CELF4: variants seen among roughly 807,000 people sequenced by gnomAD.
The protein encoded by CELF4 is CUGBP Elav-like family member 4.
Under a neutral mutation model 59.9 loss-of-function variants are expected in CELF4, and 18 were observed. The observed-to-expected ratio is 0.30, with a 90% CI of 0.21 to 0.45. The LOEUF is 0.45. CELF4 is among the 20% of genes least tolerant of loss of function. CELF4 has a pLI of 1.00. For missense variants in CELF4, 456 were observed against 689.0 expected, an observed-to-expected ratio of 0.66 and a Z score of 3.79; for synonymous variants, 261 against 267.1, an observed-to-expected ratio of 0.98 and a Z score of 0.22.
intron 2 of CELF4, among the ~76,000 whole-genome samples, chr18:37,467,024 T>C (rs2099810827): frequency 6.6e-6 from 1 of 151,880 alleles, no homozygotes; most frequent in African/African-American, 2.4e-5. Flanking sequence ...CGGTGGGGAT[T>C]GGGGAGGAGC....
chr18:37,285,762 C>T (rs897665726), intron 3 of CELF4, among the ~76,000 whole-genome samples: 1 of 152,206 alleles, frequency 6.6e-6, no homozygotes, highest in African/African-American at 2.4e-5. Flanking sequence ...ACCACAGTGG[C>T]TCTATGTAGA....
chr18:37,340,496 G>A (rs2097964752), intron 2 of CELF4, among the ~76,000 whole-genome samples: 1 of 152,204 alleles, frequency 6.6e-6, no homozygotes, highest in Non-Finnish European at 1.5e-5. Flanking sequence ...GCTTCAGTGG[G>A]GACATGGTCT....
chr18:37,343,811 C>A (rs942218925), intron 2 of CELF4, among the ~76,000 whole-genome samples: 4 of 152,100 alleles, frequency 2.6e-5, no homozygotes, highest in African/African-American at 9.7e-5. Flanking sequence ...TGTGCTGCAG[C>A]AGACCCCATC....
intron 1 of CELF4, among the ~76,000 whole-genome samples, chr18:37,558,381 G>GT (rs140019882): frequency 1.6e-4 from 23 of 139,888 alleles, no homozygotes; most frequent in African/African-American, 5.8e-4. Flanking sequence ...CCCTGTAACA[G>GT]TTTTTTTTTT....
intron 1 of CELF4, among the ~76,000 whole-genome samples, chr18:37,497,757 C>T (rs1254019252): frequency 1.3e-5 from 2 of 152,036 alleles, no homozygotes; most frequent in South Asian, 4.1e-4. Context: ...TTGTGCAGGG[C>T]CTATTGGTGG....
At chr18:37,486,993 A>AT in intron 1 of CELF4, among the ~76,000 whole-genome samples, 1 of 152,330 alleles carries the variant, frequency 6.6e-6, no homozygotes, top group Middle Eastern at 3.4e-3. Context: ...GGTCATTGCC[A>AT]TGGCCATTTA....
chr18:37,477,480 G>C (rs2099853337), intron 2 of CELF4, among the ~76,000 whole-genome samples: 1 of 152,194 alleles, frequency 6.6e-6, no homozygotes, highest in Non-Finnish European at 1.5e-5. Context: ...AGAAGCCTGG[G>C]TGGTTTGCAG....
intron 1 of CELF4, among the ~76,000 whole-genome samples, chr18:37,486,664 G>A (rs986399988): frequency 3.9e-5 from 6 of 152,226 alleles, no homozygotes; most frequent in African/African-American, 1.2e-4. Flanking sequence ...AGGCTTGAAT[G>A]TTCTGGTGAA....
intron 2 of CELF4, among the ~76,000 whole-genome samples, chr18:37,459,051 T>C (rs753995178): frequency 1.6e-4 from 24 of 152,240 alleles, no homozygotes; most frequent in Non-Finnish European, 2.9e-4. Context: ...TTGCTGCTAC[T>C]TGTGAGTCTG....
intron 1 of CELF4, among the ~76,000 whole-genome samples, chr18:37,547,392 C>G (rs2099981784): frequency 6.6e-6 from 1 of 152,168 alleles, no homozygotes; most frequent in African/African-American, 2.4e-5. Context: ...ACCTACCCTG[C>G]TCCTCTCCTT....
At chr18:37,334,118 A>C (rs1459010990) in intron 2 of CELF4, among the ~76,000 whole-genome samples, 1 of 152,120 alleles carries the variant, frequency 6.6e-6, no homozygotes, top group Non-Finnish European at 1.5e-5. Context: ...TGTTGGAGTT[A>C]GGCTCCCTCC....
chr18:37,444,166 C>T (rs1021237137), intron 2 of CELF4, among the ~76,000 whole-genome samples: 2 of 152,138 alleles, frequency 1.3e-5, no homozygotes, highest in South Asian at 4.1e-4. Context: ...TCCCAAGTTC[C>T]TACTATGTGT....
At chr18:37,497,241 G>C (rs994221050) in intron 1 of CELF4, among the ~76,000 whole-genome samples, 1 of 152,078 alleles carries the variant, frequency 6.6e-6, no homozygotes, top group Non-Finnish European at 1.5e-5. Flanking sequence ...CATGTGACTG[G>C]GGTTGGAGGT....
chr18:37,509,292 A>G (rs1177585140), intron 1 of CELF4, among the ~76,000 whole-genome samples: 1 of 152,244 alleles, frequency 6.6e-6, no homozygotes, highest in Non-Finnish European at 1.5e-5. Context: ...AGGTATTTTG[A>G]GTTCTGCAGA....
intron 1 of CELF4, among the ~76,000 whole-genome samples, chr18:37,520,693 G>T (rs1254712316): frequency 6.6e-6 from 1 of 152,102 alleles, no homozygotes; most frequent in Non-Finnish European, 1.5e-5. Context: ...GCCTATGAAG[G>T]CTTGGGCAGA....
chr18:37,440,540 G>A (rs1282929866), intron 2 of CELF4, among the ~76,000 whole-genome samples: 1 of 152,178 alleles, frequency 6.6e-6, no homozygotes, highest in Non-Finnish European at 1.5e-5. Flanking sequence ...CAAAAATACA[G>A]CCACAGGAGG....
chr18:37,478,832 A>G (rs2099858055), intron 2 of CELF4, among the ~76,000 whole-genome samples: 1 of 152,182 alleles, frequency 6.6e-6, no homozygotes, highest in Non-Finnish European at 1.5e-5. Flanking sequence ...CTTCTGTATA[A>G]TGAGCCCAGG....
At chr18:37,287,061 G>T (rs2094861484) in intron 3 of CELF4, among the ~76,000 whole-genome samples, 1 of 152,176 alleles carries the variant, frequency 6.6e-6, no homozygotes, top group Non-Finnish European at 1.5e-5. Flanking sequence ...TGGGACAGAG[G>T]TCCTTAGCCC....
chr18:37,372,375 G>A (rs559252519), intron 2 of CELF4, among the ~76,000 whole-genome samples: 18 of 152,210 alleles, frequency 1.2e-4, no homozygotes, highest in African/African-American at 3.9e-4. Flanking sequence ...GCAAACTATC[G>A]CAAGGACAGA....
Sources: gnomAD v4.1 joint callset for allele counts (sites outside exome capture counted in the v4.1 genomes callset) on GRCh38, gnomAD v4.1.1 for gene constraint, MANE v1.5 for transcripts, NCBI Gene and HGNC (gene_info 2026-07-23, HGNC 2026-07-21) for gene names.